Variants in FAM222B observed in about 807,000 individuals in gnomAD.
FAM222B encodes the protein protein FAM222B.
FAM222B carries 12 observed loss-of-function variants against 38.0 expected under a neutral mutation model. That is an observed-to-expected ratio of 0.32 (90% confidence interval 0.20 to 0.51). The LOEUF is 0.51. FAM222B is among the 20% of genes least tolerant of loss of function. FAM222B has a pLI of 0.97. For synonymous variants in FAM222B, 329 were observed against 317.2 expected (o/e 1.04, Z -0.40); for missense variants, 716 against 754.2 (o/e 0.95, Z 0.59).
chr17:28,813,152 CAA>C (rs34840127), intron 1 of FAM222B, among the ~76,000 whole-genome samples: 25,629 of 121,702 alleles, frequency 0.21, 2,561 homozygotes, highest in South Asian at 0.33. Context: ...CACACACATA[CAA>C]AAAAAAAAAA....
chr17:28,820,577 G>C (rs1212598243), intron 1 of FAM222B, among the ~76,000 whole-genome samples: 3 of 152,024 alleles, frequency 2.0e-5, no homozygotes, highest in Non-Finnish European at 4.4e-5. Context: ...ATTCAGCAAT[G>C]CAAGTACCAT....
upstream of FAM222B, among the ~76,000 whole-genome samples, chr17:28,847,438 C>A (rs1017016275): frequency 6.6e-6 from 1 of 150,736 alleles, no homozygotes; most frequent in Non-Finnish European, 1.5e-5. Flanking sequence ...ACTAAAAATA[C>A]AAAAAATTAG....
intron 1 of FAM222B, among the ~76,000 whole-genome samples, chr17:28,823,867 A>G (rs2038347095): frequency 6.6e-6 from 1 of 151,134 alleles, no homozygotes; most frequent in African/African-American, 2.4e-5. Flanking sequence ...TGGCAGGACC[A>G]AAAGAGAATT....
At chr17:28,835,286 C>T (rs977070699) in intron 1 of FAM222B, among the ~76,000 whole-genome samples, 11 of 152,070 alleles carry the variant, frequency 7.2e-5, no homozygotes, top group African/African-American at 9.7e-5. Flanking sequence ...CCGCCCACCT[C>T]GGCCTCCCAA....
intron 1 of FAM222B, among the ~76,000 whole-genome samples, chr17:28,820,721 C>T (rs1406055815): frequency 6.6e-6 from 1 of 151,842 alleles, no homozygotes; most frequent in Non-Finnish European, 1.5e-5. Flanking sequence ...GCAACCTCTG[C>T]CTCCTGGGTT....
rs1233607012 is a variant in FAM222B at position 28,805,125 on chromosome 17, AGGTGGGAG to A, written c.-41+37549_-41+37556del. ...TCTAATCCCAGCACTTGGGAGGCCA[AGGTGGGAG>A]GATCATTGGAGCCCAGGAGTTTGGG... is the stretch of plus-strand genomic sequence containing the variant. On this transcript the variant is annotated intron_variant, in intron 1 of 2. Transcript: ENST00000581407. Among the ~76,000 whole-genome samples the A allele has an allele frequency of 3.9e-5, 6 of 152,142 alleles. No individual in the cohort carries two copies. The East Asian group carries it at 7.7e-4, about 20-fold the overall frequency.
chr17:28,784,577 G>A (rs1376529913), intron 1 of FAM222B, among the ~76,000 whole-genome samples: 3 of 139,898 alleles, frequency 2.1e-5, no homozygotes, highest in Admixed American at 1.5e-4. Context: ...GGTGGCTCAC[G>A]CCTGTAATCC....
At chr17:28,792,437 G>A (rs2036742934) in intron 1 of FAM222B, among the ~76,000 whole-genome samples, 1 of 151,888 alleles carries the variant, frequency 6.6e-6, no homozygotes, top group African/African-American at 2.4e-5. Context: ...CCGTCATCGT[G>A]CCACTGCACT....
rs564014577 is a variant in FAM222B, at chr17:28,829,847, T to A, written c.-41+12835A>T. On this transcript the variant is annotated intron_variant, in intron 1 of 2. Transcript: ENST00000581407. ...GGATAAATACTTAGGTCATTTTTTT[T>A]AAATTTTTTTTTTTGAGACCGAGTC... Among the ~76,000 whole-genome samples, 421 of 152,114 alleles carry A rather than the reference T, an allele frequency of 2.8e-3. 1 individual carries two copies. The highest frequency in any genetic ancestry group is 4.3e-3 in the Non-Finnish European group (293 of 67,992).
rs1597820038 is a variant in FAM222B, at chr17:28,756,055, G to C, written c.*2215C>G. The C allele has an allele frequency of 6.5e-6, 1 of 152,764 alleles. No individual in the cohort carries two copies. Among genetic ancestry groups the C allele is most frequent in the South Asian group, 2.1e-4 (1 of 4,826 alleles). 9.5% of individuals were successfully genotyped at this position (152,764 alleles called of 1,614,324 possible). The stretch of plus-strand genomic sequence containing the variant: ...ACCCATAAACCACCACAGGTGAGGT[G>C]AGAGAGATGGAGAATGAATGCTACA... On this transcript the variant is annotated 3_prime_UTR_variant, in exon 3 of 3. Coordinates refer to ENST00000581407, the MANE Select transcript of FAM222B (RefSeq NM_001077498.3).
At chr17:28,806,378 G>T (rs1476037380) in intron 1 of FAM222B, among the ~76,000 whole-genome samples, 4 of 152,052 alleles carry the variant, frequency 2.6e-5, no homozygotes, top group Non-Finnish European at 5.9e-5. Flanking sequence ...CAGTTAGGCC[G>T]CAATGTAACA....
At chr17:28,792,204 T>G (rs921252512) in intron 1 of FAM222B, among the ~76,000 whole-genome samples, 1 of 150,062 alleles carries the variant, frequency 6.7e-6, no homozygotes, top group East Asian at 2.0e-4. Flanking sequence ...CCTAGCTACT[T>G]AGGAGGCTGA....
At chr17:28,783,137 C>CAA (rs74267063) in intron 1 of FAM222B, among the ~76,000 whole-genome samples, 20 of 56,284 alleles carry the variant, frequency 3.6e-4, no homozygotes, top group South Asian at 5.7e-4. Context: ...GACCCTGTCT[C>CAA]AAAAAAAAAA....
At chr17:28,782,859 C>G (rs1335520191) in intron 1 of FAM222B, among the ~76,000 whole-genome samples, 1 of 151,970 alleles carries the variant, frequency 6.6e-6, no homozygotes, top group African/African-American at 2.4e-5. Flanking sequence ...CAAACTCGGC[C>G]GGGCGCGGTG....
intron 1 of FAM222B, among the ~76,000 whole-genome samples, chr17:28,814,090 G>A (rs564293771): frequency 2.0e-5 from 3 of 151,456 alleles, no homozygotes; most frequent in South Asian, 4.2e-4. Context: ...GTGGTAACTC[G>A]CACGGTAGTC....
At chr17:28,832,128 T>C (rs1161704695) in intron 1 of FAM222B, among the ~76,000 whole-genome samples, 2 of 151,962 alleles carry the variant, frequency 1.3e-5, no homozygotes, top group African/African-American at 4.8e-5. Flanking sequence ...AGGCGGAGCT[T>C]GCCGTGAGCC....
intron 1 of FAM222B, among the ~76,000 whole-genome samples, chr17:28,811,916 T>C (rs550381602): frequency 6.6e-6 from 1 of 152,222 alleles, no homozygotes; most frequent in Non-Finnish European, 1.5e-5. Flanking sequence ...TTTTTTTAAA[T>C]TACGGTTTAC....
At chr17:28,823,875 A>ATTTT (rs367743538) in intron 1 of FAM222B, among the ~76,000 whole-genome samples, 4 of 134,064 alleles carry the variant, frequency 3.0e-5, no homozygotes, top group African/African-American at 5.5e-5. Flanking sequence ...CCAAAAGAGA[A>ATTTT]TTTTTTTTTT....
chr17:28,819,028 AAAG>A (rs1182077272), intron 1 of FAM222B, among the ~76,000 whole-genome samples: 3 of 152,218 alleles, frequency 2.0e-5, no homozygotes, highest in African/African-American at 7.2e-5. Flanking sequence ...CAGAAAACAA[AAAG>A]AAGGCTGTGC....
Sources: allele counts gnomAD v4.1 joint callset (sites outside exome capture counted in the v4.1 genomes callset), GRCh38; gene constraint gnomAD v4.1.1; transcripts MANE v1.5; gene names NCBI Gene and HGNC (gene_info 2026-07-23, HGNC 2026-07-21).